FLYWCH1: variants seen among roughly 807,000 people sequenced by gnomAD.
FLYWCH1 encodes FLYWCH-type zinc finger 1, also known as FLYWCH-type zinc finger-containing protein 1.
FLYWCH1 carries 75 observed loss-of-function variants against 66.4 expected under a neutral mutation model. The ratio of observed to expected loss-of-function variants is 1.13; its 90% confidence interval spans 0.94 to 1.37. The LOEUF (loss-of-function observed/expected upper bound fraction) is 1.37, where lower values mean the gene tolerates loss of function less well. Ranked by LOEUF, FLYWCH1 falls within the 40% of genes most tolerant of loss-of-function variation. FLYWCH1 has a pLI of 0.00. For missense variants in FLYWCH1, 1,334 were observed against 1,001.8 expected (o/e 1.33, Z -4.48); for synonymous variants, 595 against 429.9 (o/e 1.38, Z -4.75).
chr16:2,922,519 T>C (rs1157049924), intron 2 of FLYWCH1: 2 of 234,220 alleles, frequency 8.5e-6, no homozygotes, highest in Non-Finnish European at 1.7e-5. Flanking sequence ...TCTGTCCCCA[T>C]AAGTTTGACT....
chr16:2,920,943 G>T (rs1185297497), intron 2 of FLYWCH1, among the ~76,000 whole-genome samples: 5 of 147,122 alleles, frequency 3.4e-5, no homozygotes, highest in Non-Finnish European at 7.4e-5. Flanking sequence ...CCGGGTTCAA[G>T]CGATTCTTCT....
chr16:2,917,382 A>G (rs2070207901), intron 2 of FLYWCH1, among the ~76,000 whole-genome samples: 1 of 150,950 alleles, frequency 6.6e-6, no homozygotes, highest in Non-Finnish European at 1.5e-5. Flanking sequence ...GGCGCCCACC[A>G]CGACGCCCAG....
intron 1 of FLYWCH1, 42 bp from the exon 2 acceptor site, chr16:2,914,134 T>G (rs1032538232): frequency 6.6e-6 from 1 of 152,226 alleles, no homozygotes; most frequent in African/African-American, 2.4e-5. Flanking sequence ...ATGGAATAAT[T>G]TCACCTGCAG....
intron 2 of FLYWCH1, chr16:2,922,753 T>C (rs1596360119): frequency 3.9e-6 from 2 of 513,668 alleles, no homozygotes; most frequent in East Asian, 1.1e-4. Flanking sequence ...CCAATCAGGG[T>C]ATTGACCTGG....
intron 8 of FLYWCH1, among the ~76,000 whole-genome samples, chr16:2,939,316 A>G (rs765005369): frequency 2.0e-5 from 3 of 152,110 alleles, no homozygotes; most frequent in South Asian, 2.1e-4. Context: ...ATGGTGACGC[A>G]TGCCTGTAAT....
chr16:2,948,356 C>T (rs550692093), intron 9 of FLYWCH1, among the ~76,000 whole-genome samples: 28 of 151,852 alleles, frequency 1.8e-4, no homozygotes, highest in African/African-American at 4.6e-4. Context: ...GTCAGGAGAT[C>T]GAGACCATCC....
intron 4 of FLYWCH1, among the ~76,000 whole-genome samples, chr16:2,932,731 T>G (rs1339087170): frequency 6.6e-6 from 1 of 152,120 alleles, no homozygotes; most frequent in Non-Finnish European, 1.5e-5. Flanking sequence ...AAAAAAAATA[T>G]GAGCAGGAGT....
At chr16:2,940,938 C>G (rs1295023951) in intron 9 of FLYWCH1, among the ~76,000 whole-genome samples, 2 of 151,860 alleles carry the variant, frequency 1.3e-5, no homozygotes, top group African/African-American at 4.8e-5. Context: ...CGAGACCAGC[C>G]TGGCCAACAT....
chr16:2,934,578 C>T (rs777118809), intron 6 of FLYWCH1: 3 of 448,706 alleles, frequency 6.7e-6, no homozygotes, highest in African/African-American at 6.1e-5. Context: ...TTCATCGTGG[C>T]CTCCTCCACT....
intron 4 of FLYWCH1, 51 bp downstream of exon 4, chr16:2,930,931 G>C: frequency 7.1e-7 from 1 of 1,409,808 alleles, no homozygotes; most frequent in Non-Finnish European, 9.5e-7. Context: ...GGGGACCCGA[G>C]GGCCCTTCCT....
intron 2 of FLYWCH1, among the ~76,000 whole-genome samples, chr16:2,920,081 C>T (rs2070316422): frequency 6.6e-6 from 1 of 151,746 alleles, no homozygotes; most frequent in East Asian, 1.9e-4. Context: ...ATTTGAGTGG[C>T]AGGATTAGGG....
intron 9 of FLYWCH1, among the ~76,000 whole-genome samples, chr16:2,947,449 T>C (rs184677857): frequency 6.6e-6 from 1 of 152,214 alleles, no homozygotes; most frequent in East Asian, 1.9e-4. Flanking sequence ...GAATTATAGC[T>C]CAGTAGAGCT....
At chr16:2,916,780 C>T (rs1019354610) in intron 2 of FLYWCH1, among the ~76,000 whole-genome samples, 1 of 152,054 alleles carries the variant, frequency 6.6e-6, no homozygotes, top group Admixed American at 6.6e-5. Context: ...TGGGCAAATT[C>T]CTCTCTTCTT....
Position 2,938,239 on chromosome 16 carries a change from G to A in FLYWCH1, c.1833G>A (p.Val611=), listed in dbSNP as rs2071101315. The A allele has an allele frequency of 2.5e-6, 4 of 1,613,286 alleles. No homozygotes were observed. Among genetic ancestry groups the A allele is most frequent in the Non-Finnish European group, 1.7e-6 (2 of 1,179,628 alleles). ...CTTCCCTGGGGGGCAGGTTCCTGGT[G>A]CACGAGTCCTTCCTCTACAGGAAGG... ...LRTSLGGRFL[V]HESFLYRKEK... is the part of the protein sequence containing the mutation. The change falls in exon 8 of 10, where the codon GTG becomes GTA. Residue 611 remains valine, a synonymous_variant. Transcript: ENST00000253928.
At chr16:2,932,420 GTGGCTGTGATAAC>G (rs1305075190) in intron 4 of FLYWCH1, among the ~76,000 whole-genome samples, 1 of 152,090 alleles carries the variant, frequency 6.6e-6, no homozygotes, top group Admixed American at 6.6e-5. Flanking sequence ...TTATCCTAAG[GTGGCTGTGATAAC>G]CTGGATTGTT....
intron 6 of FLYWCH1, chr16:2,936,265 C>A (rs9921749): frequency 0.2 from 77,707 of 388,466 alleles, 9,672 homozygotes; most frequent in East Asian, 0.43. Flanking sequence ...CCCATGGTCA[C>A]ACCACCCCCT....
intron 9 of FLYWCH1, among the ~76,000 whole-genome samples, chr16:2,948,244 T>C (rs2071564139): frequency 6.6e-6 from 1 of 151,968 alleles, no homozygotes; most frequent in South Asian, 2.1e-4. Context: ...AAGGAATTGA[T>C]ACGGATGGAT....
chr16:2,944,325 G>A (rs1268068087), intron 9 of FLYWCH1, among the ~76,000 whole-genome samples: 1 of 151,306 alleles, frequency 6.6e-6, no homozygotes, highest in Non-Finnish European at 1.5e-5. Context: ...GGGAGGTGGA[G>A]GTTGTGGTGA....
At chr16:2,919,640 C>T (rs777072650) in intron 2 of FLYWCH1, among the ~76,000 whole-genome samples, 26 of 152,154 alleles carry the variant, frequency 1.7e-4, no homozygotes, top group Non-Finnish European at 3.4e-4. Flanking sequence ...AGCCATTTTC[C>T]TGCCACAACC....
Sources: allele counts gnomAD v4.1 joint callset (sites outside exome capture counted in the v4.1 genomes callset), GRCh38; gene constraint gnomAD v4.1.1; transcripts MANE v1.5; gene names NCBI Gene and HGNC (gene_info 2026-07-23, HGNC 2026-07-21).